CDYL2: variants seen among roughly 807,000 people sequenced by gnomAD.
CDYL2 encodes chromodomain Y like 2.
Under a neutral mutation model 49.4 loss-of-function variants are expected in CDYL2, and 23 were observed. The observed-to-expected ratio is 0.47, with a 90% CI of 0.34 to 0.66. The LOEUF (loss-of-function observed/expected upper bound fraction) is 0.66, where lower values mean the gene tolerates loss of function less well. CDYL2 is among the 30% of genes least tolerant of loss of function. The pLI is 0.01. For missense variants in CDYL2, 678 were observed against 656.4 expected, an observed-to-expected ratio of 1.03 and a Z score of -0.36; for synonymous variants, 360 against 268.8, an observed-to-expected ratio of 1.34 and a Z score of -3.32.
intron 3 of CDYL2, among the ~76,000 whole-genome samples, chr16:80,622,177 G>A (rs1334181581): frequency 6.6e-6 from 1 of 152,204 alleles, no homozygotes; most frequent in Non-Finnish European, 1.5e-5. Flanking sequence ...GAGAAGGAGA[G>A]GACTCAGCCC....
chr16:80,722,444 T>C (rs577041908), intron 1 of CDYL2, among the ~76,000 whole-genome samples: 26 of 152,242 alleles, frequency 1.7e-4, no homozygotes, highest in African/African-American at 5.5e-4. Context: ...CTCACCCTGA[T>C]CTCCCAAACA....
intron 2 of CDYL2, 101 bp from the exon 3 acceptor site, chr16:80,633,337 G>A: frequency 8.4e-7 from 1 of 1,191,226 alleles, no homozygotes; most frequent in Non-Finnish European, 1.2e-6. Context: ...AGGTTTGGAT[G>A]TGCTGGGACA....
At chr16:80,804,750 G>A (rs1331840364), upstream of CDYL2, among the ~76,000 whole-genome samples, 1 of 149,824 alleles carries the variant, frequency 6.7e-6, no homozygotes, top group Admixed American at 6.6e-5. Flanking sequence ...AGCAGCTGGC[G>A]GGGCCCCCGG....
intron 3 of CDYL2, among the ~76,000 whole-genome samples, chr16:80,623,593 T>C (rs549459621): frequency 3.3e-5 from 5 of 152,308 alleles, no homozygotes; most frequent in East Asian, 3.9e-4. Flanking sequence ...TTCATGTTCA[T>C]GGGACCTGCA....
intron 4 of CDYL2, among the ~76,000 whole-genome samples, chr16:80,615,286 A>C (rs1030654683): frequency 6.6e-6 from 1 of 152,074 alleles, no homozygotes; most frequent in Non-Finnish European, 1.5e-5. Flanking sequence ...TTTTCACTGA[A>C]AGCAATTTGG....
intron 1 of CDYL2, among the ~76,000 whole-genome samples, chr16:80,787,118 T>G (rs1907462330): frequency 6.6e-6 from 1 of 152,058 alleles, no homozygotes; most frequent in East Asian, 1.9e-4. Flanking sequence ...AGAATTACCT[T>G]TCCAAACAGT....
At chr16:80,741,663 G>C (rs1905740069) in intron 1 of CDYL2, among the ~76,000 whole-genome samples, 1 of 152,018 alleles carries the variant, frequency 6.6e-6, no homozygotes, top group Non-Finnish European at 1.5e-5. Flanking sequence ...ACAAACAACA[G>C]ATATTTAAAT....
At chr16:80,799,943 G>T (rs945756479) in intron 1 of CDYL2, among the ~76,000 whole-genome samples, 4 of 152,168 alleles carry the variant, frequency 2.6e-5, no homozygotes, top group Non-Finnish European at 5.9e-5. Flanking sequence ...CATCAGTTCT[G>T]CTAGTACATG....
chr16:80,731,331 A>C (rs530087570), intron 1 of CDYL2, among the ~76,000 whole-genome samples: 27 of 152,324 alleles, frequency 1.8e-4, no homozygotes, highest in African/African-American at 6.5e-4. Context: ...CAGAAGGAGT[A>C]CAGGAGAGGA....
chr16:80,795,466 G>C (rs1411142394), intron 1 of CDYL2, among the ~76,000 whole-genome samples: 1 of 152,160 alleles, frequency 6.6e-6, no homozygotes, highest in Admixed American at 6.5e-5. Flanking sequence ...GTCAATGAAT[G>C]GACCTTTCAC....
intron 2 of CDYL2, among the ~76,000 whole-genome samples, chr16:80,635,589 C>T (rs995879085): frequency 6.6e-6 from 1 of 152,184 alleles, no homozygotes; most frequent in Non-Finnish European, 1.5e-5. Context: ...GAAAAACATT[C>T]CATGCTCATG....
intron 1 of CDYL2, among the ~76,000 whole-genome samples, chr16:80,691,844 C>G (rs767985808): frequency 2.0e-5 from 3 of 151,866 alleles, no homozygotes; most frequent in Middle Eastern, 3.2e-3. Context: ...ATGAAAAAAA[C>G]GATTCATTTA....
intron 1 of CDYL2, among the ~76,000 whole-genome samples, chr16:80,707,451 A>G (rs1462933226): frequency 9.2e-5 from 14 of 152,168 alleles, no homozygotes; most frequent in Non-Finnish European, 2.1e-4. Flanking sequence ...ACAGAGAGAG[A>G]TGTTGTCTCA....
At chr16:80,763,503 T>C (rs77135068) in intron 1 of CDYL2, among the ~76,000 whole-genome samples, 24,096 of 151,156 alleles carry the variant, frequency 0.16, 2,234 homozygotes, top group African/African-American at 0.26. Context: ...TCCCAGCAGC[T>C]TGGGAGGCTG....
intron 6 of CDYL2, among the ~76,000 whole-genome samples, chr16:80,606,074 C>A (rs367642686): frequency 6.6e-6 from 1 of 152,240 alleles, no homozygotes; most frequent in African/African-American, 2.4e-5. Flanking sequence ...TCCTGAAATG[C>A]CCTCAAACAG....
chr16:80,749,780 T>C (rs1906066690), intron 1 of CDYL2, among the ~76,000 whole-genome samples: 1 of 152,180 alleles, frequency 6.6e-6, no homozygotes, highest in Non-Finnish European at 1.5e-5. Flanking sequence ...TAAAGACACA[T>C]GCACACATAT....
intron 2 of CDYL2, among the ~76,000 whole-genome samples, chr16:80,674,618 C>G (rs1909667051): frequency 6.6e-6 from 1 of 152,202 alleles, no homozygotes. Flanking sequence ...ATTCCCCACT[C>G]CCTCCTCCCC....
At chr16:80,614,727 G>T (rs143554605) in intron 4 of CDYL2, among the ~76,000 whole-genome samples, 1,728 of 152,114 alleles carry the variant, frequency 0.011, 26 homozygotes, top group African/African-American at 0.038. Flanking sequence ...AGCTGGGTGT[G>T]GTGGCAGATG....
intron 2 of CDYL2, among the ~76,000 whole-genome samples, chr16:80,653,957 C>T (rs1908695471): frequency 1.3e-5 from 2 of 152,098 alleles, no homozygotes; most frequent in South Asian, 2.1e-4. Context: ...ACTGTGGTGT[C>T]GAGTGTGAGC....
Sources: allele counts gnomAD v4.1 joint callset (sites outside exome capture counted in the v4.1 genomes callset), GRCh38; gene constraint gnomAD v4.1.1; transcripts MANE v1.5; gene names NCBI Gene and HGNC (gene_info 2026-07-23, HGNC 2026-07-21).